The following FN3KRP variants were observed in gnomAD, a reference collection of about 807,000 sequenced individuals.
FN3KRP encodes the protein fructosamine 3 kinase related protein, also known as ketosamine-3-kinase.
A neutral mutation model predicts 29.8 loss-of-function variants in FN3KRP; 33 were observed. That is an observed-to-expected ratio of 1.11 (90% confidence interval 0.84 to 1.48). The LOEUF (loss-of-function observed/expected upper bound fraction) is 1.48, where lower values mean the gene tolerates loss of function less well. Ranked by LOEUF, FN3KRP falls within the 40% of genes most tolerant of loss-of-function variation. The probability of loss-of-function intolerance (pLI) is 0.00; values close to 1 mark genes in which losing one functional copy is unlikely to be tolerated. For synonymous variants in FN3KRP, 157 were observed against 155.2 expected, an observed-to-expected ratio of 1.01 and a Z score of -0.09; for missense variants, 430 against 402.6, an observed-to-expected ratio of 1.07 and a Z score of -0.58.
At chr17:82,719,631 T>C (rs1460116134) in intron 2 of FN3KRP, among the ~76,000 whole-genome samples, 6 of 152,122 alleles carry the variant, frequency 3.9e-5, no homozygotes. Context: ...GGCAGGCGCC[T>C]CTAATTCCAG....
At chr17:82,717,027 G>A in intron 1 of FN3KRP, 131 bp downstream of exon 1, 3 of 1,141,442 alleles carry the variant, frequency 2.6e-6, no homozygotes, top group Non-Finnish European at 1.2e-6. Flanking sequence ...TGCCGCCGCC[G>A]CCCCTTGCGG....
intron 4 of FN3KRP, among the ~76,000 whole-genome samples, chr17:82,725,030 C>T (rs1458841401): frequency 6.6e-6 from 1 of 151,738 alleles, no homozygotes; most frequent in Non-Finnish European, 1.5e-5. Flanking sequence ...CCAGGACAGT[C>T]TCAATCTCCT....
At chr17:82,726,791 C>T (rs760904166) in intron 5 of FN3KRP, 42 bp from the exon 6 acceptor site, 59 of 1,512,272 alleles carry the variant, frequency 3.9e-5, no homozygotes, top group South Asian at 5.3e-5. Flanking sequence ...CCCTCATGCA[C>T]GCGTTGATCA....
intron 1 of FN3KRP, among the ~76,000 whole-genome samples, 180 bp downstream of exon 1, chr17:82,717,076 C>A (rs1049960158): frequency 2.0e-5 from 3 of 152,232 alleles, no homozygotes; most frequent in African/African-American, 7.2e-5. Flanking sequence ...ACGGGGGCGG[C>A]GGAAGCGTCC....
rs751143747 is a variant in FN3KRP, at chr17:82,722,789, A to C, written c.386-15A>C. ...CCTTGGAACTAATTTCCTTTCTTTTACTTTTGCTTGCAAGGGAGAGGAGGT... is the reference window on the plus strand; with the variant it reads ...CCTTGGAACTAATTTCCTTTCTTTTCCTTTTGCTTGCAAGGGAGAGGAGGT... On this transcript the variant is annotated splice_polypyrimidine_tract_variant and intron_variant, in intron 3 of 5. Coordinates refer to ENST00000269373, the MANE Select transcript of FN3KRP (RefSeq NM_024619.4). The C allele has an allele frequency of 6.2e-7, 1 of 1,612,460 alleles. No homozygotes were observed. The highest frequency in any genetic ancestry group is 1.7e-5 in the Admixed American group (1 of 59,782).
At chr17:82,725,659 C>A (rs572630266) in intron 4 of FN3KRP, among the ~76,000 whole-genome samples, 1 of 152,176 alleles carries the variant, frequency 6.6e-6, no homozygotes, top group East Asian at 1.9e-4. Context: ...ACACCTGGCC[C>A]CCCTTTCAAA....
chr17:82,726,617 A>G lies in FN3KRP; in HGVS notation c.591+15A>G, dbSNP rs748499152. 8 of 1,605,652 alleles carry G rather than the reference A, an allele frequency of 5.0e-6. No individual in the cohort carries two copies. The highest frequency in any genetic ancestry group is 1.3e-5 in the African/African-American group (1 of 74,702). ...CTGCTCTGCAGGTGAGTGGGGCCCC[A>G]CTGCATGCCCAGCACCTGCCACACA... On this transcript the variant is annotated intron_variant, in intron 5 of 5. Coordinates refer to ENST00000269373, the MANE Select transcript of FN3KRP (RefSeq NM_024619.4).
chr17:82,718,772 C>A, intron 1 of FN3KRP, 134 bp from the exon 2 acceptor site: 2 of 1,248,670 alleles, frequency 1.6e-6, no homozygotes, highest in Non-Finnish European at 1.1e-6. Flanking sequence ...AAAACACTGT[C>A]CATGTGTATG....
chr17:82,716,770 G>T lies in FN3KRP; in HGVS notation c.15G>T (p.Leu5=). 7 of 1,527,892 alleles carry T rather than the reference G, an allele frequency of 4.6e-6. No homozygotes were observed. The highest frequency in any genetic ancestry group is 6.1e-6 in the Non-Finnish European group (7 of 1,145,614). The allele number at this position is 1,527,892 out of a possible 1,614,324, so 94.6% of individuals were successfully genotyped here. Residue 5 remains leucine, a synonymous_variant, in exon 1 of 6, where the codon CTG becomes CTT. Coordinates refer to ENST00000269373, the MANE Select transcript of FN3KRP (RefSeq NM_024619.4). ...GCGGCGGGAACATGGAGGAGCTCCT[G>T]AGGCGCGAGCTGGGCTGCAGCTCTG... The part of the protein sequence containing the change: MEEL[L]RRELGCSSVR...
chr17:82,717,029 C>T lies in FN3KRP; in HGVS notation c.141+133C>T, dbSNP rs551007361. 91 of 1,132,442 alleles carry T rather than the reference C, an allele frequency of 8.0e-5. No individual in the cohort carries two copies. The African/African-American group carries it at 1.3e-3, about 16-fold the overall frequency. 70.1% of individuals were successfully genotyped at this position (1,132,442 alleles called of 1,614,324 possible). A position where few individuals can be genotyped will look rare whatever the true frequency, so the allele number is the denominator to read the frequency against. The stretch of plus-strand genomic sequence containing the variant: ...GCTCTCCCGGGACTGCCGCCGCCGC[C>T]CCTTGCGGGGAACCCTTTGCGCGGG... On this transcript the variant is annotated intron_variant, in intron 1 of 5. Coordinates refer to ENST00000269373, the MANE Select transcript of FN3KRP (RefSeq NM_024619.4).
At chr17:82,719,608 A>G (rs1309618435) in intron 2 of FN3KRP, among the ~76,000 whole-genome samples, 1 of 152,152 alleles carries the variant, frequency 6.6e-6, no homozygotes, top group East Asian at 1.9e-4. Context: ...TCCAAAAATT[A>G]GCTGGATGTG....
At chr17:82,722,934 A>T (rs2046808917) in intron 4 of FN3KRP, 48 bp downstream of exon 4, 5 of 1,550,964 alleles carry the variant, frequency 3.2e-6, no homozygotes, top group Non-Finnish European at 3.5e-6. Flanking sequence ...TCAGCTGTTC[A>T]GACACACGGG....
chr17:82,716,969 G>T, intron 1 of FN3KRP, 73 bp downstream of exon 1: 3 of 1,509,088 alleles, frequency 2.0e-6, no homozygotes, highest in Non-Finnish European at 2.7e-6. Context: ...GGCGCGGGGC[G>T]CGGCCTGGGC....
In FN3KRP at chr17:82,727,099, G is replaced by A. The variant is rs752293832; in HGVS notation, c.858G>A (p.Leu286=). The A allele has an allele frequency of 1.9e-6, 3 of 1,614,112 alleles. No individual in the cohort carries two copies. In the Admixed American group the frequency reaches 5.0e-5, roughly 27 times the overall value. ...AGTTGTATCAGCTCTTTCACTACTT[G>A]AACCACTGGAATCATTTTGGATCGG... ...RLQLYQLFHY[L]NHWNHFGSGY... is the part of the protein sequence containing the mutation. Residue 286 remains leucine, a synonymous_variant, in exon 6 of 6, where the codon TTG becomes TTA. Coordinates refer to ENST00000269373, the MANE Select transcript of FN3KRP (RefSeq NM_024619.4).
intron 4 of FN3KRP, 67 bp from the exon 5 acceptor site, chr17:82,726,413 G>T: frequency 6.4e-7 from 1 of 1,567,144 alleles, no homozygotes; most frequent in Non-Finnish European, 8.7e-7. Context: ...AGATGCTTGT[G>T]GGTAGCTGAG....
chr17:82,726,369 C>G (rs7406285), intron 4 of FN3KRP, 111 bp from the exon 5 acceptor site: 207,946 of 1,390,088 alleles, frequency 0.15, 16,966 homozygotes, highest in Admixed American at 0.2. Context: ...TGCCACCCCT[C>G]CCACGTGCCG....
Position 82,718,901 on chromosome 17 carries a change from G to T in FN3KRP, c.142-5G>T. 6.2e-7 allele frequency: 1 copy of T among 1,611,332 alleles called. No homozygotes were observed. The highest frequency in any genetic ancestry group is 1.1e-5 in the South Asian group (1 of 90,978). ...TTTCCACTTCCTCTCGTATTTTTCT[G>T]ACAGGCCAGAAGAATGTTTGAAGGT... On this transcript the variant is annotated splice_region_variant and splice_polypyrimidine_tract_variant and intron_variant, in intron 1 of 5. Transcript: ENST00000269373.
chr17:82,719,081 C>CCCCCCAT (rs2143606719), intron 2 of FN3KRP, 24 bp downstream of exon 2: 1 of 1,573,912 alleles, frequency 6.4e-7, no homozygotes, highest in Non-Finnish European at 8.6e-7. Context: ...CCACCCCCCA[C>CCCCCCAT]CTGGCTTTAT....
intron 1 of FN3KRP, among the ~76,000 whole-genome samples, chr17:82,717,542 A>ACC (rs11426847): frequency 0.76 from 114,833 of 152,072 alleles, 43,722 homozygotes; most frequent in East Asian, 0.94. Context: ...ACAAGGTGAA[A>ACC]CCCCCGTCTC....
Sources: gnomAD v4.1 joint callset for allele counts (sites outside exome capture counted in the v4.1 genomes callset) on GRCh38, gnomAD v4.1.1 for gene constraint, MANE v1.5 for transcripts, NCBI Gene and HGNC (gene_info 2026-07-23, HGNC 2026-07-21) for gene names.